SYN3: variants seen among roughly 807,000 people sequenced by gnomAD.
SYN3 encodes the protein synapsin-3.
SYN3 carries 35 observed loss-of-function variants against 65.8 expected under a neutral mutation model. That is an observed-to-expected ratio of 0.53 (90% confidence interval 0.41 to 0.70). The LOEUF (loss-of-function observed/expected upper bound fraction) is 0.70, where lower values mean the gene tolerates loss of function less well. Among genes scored for constraint, SYN3 ranks in the 30% least tolerant of loss-of-function variants. The pLI is 0.00. For synonymous variants in SYN3, 270 were observed against 292.9 expected (o/e 0.92, Z 0.80); for missense variants, 680 against 749.0 (o/e 0.91, Z 1.08).
intron 6 of SYN3, among the ~76,000 whole-genome samples, chr22:32,707,689 CT>C (rs933160857): frequency 1.3e-5 from 2 of 152,110 alleles, no homozygotes; most frequent in African/African-American, 2.4e-5. Flanking sequence ...GATTTTTTCC[CT>C]TTTCCTATCT....
chr22:33,006,351 C>T lies in SYN3; in HGVS notation c.311+1G>A. The T allele has an allele frequency of 6.3e-7, 1 of 1,593,706 alleles. No homozygotes were observed. Among genetic ancestry groups the T allele is most frequent in the Non-Finnish European group, 8.6e-7 (1 of 1,167,380 alleles). The stretch of plus-strand genomic sequence containing the variant: ...GGTAGCACTTGCAAATTCCTACTTA[C>T]CAGTCTGTATGGGCATCATCGATCA... On this transcript the variant is annotated splice_donor_variant, in intron 2 of 13. Transcript: ENST00000358763. LOFTEE classifies it high-confidence loss of function.
intron 7 of SYN3, among the ~76,000 whole-genome samples, chr22:32,565,084 A>C (rs914513267): frequency 1.5e-3 from 103 of 67,638 alleles, no homozygotes; most frequent in Admixed American, 1.9e-3. Flanking sequence ...CTGACTGTAC[A>C]CAAACAGTGC....
At chr22:32,783,397 G>T (rs1245430170) in intron 6 of SYN3, among the ~76,000 whole-genome samples, 1 of 152,164 alleles carries the variant, frequency 6.6e-6, no homozygotes, top group East Asian at 1.9e-4. Flanking sequence ...GGAGCTTCTG[G>T]TTTTTCAGGA....
At chr22:32,823,672 G>A (rs1389603024) in intron 6 of SYN3, among the ~76,000 whole-genome samples, 1 of 152,178 alleles carries the variant, frequency 6.6e-6, no homozygotes, top group Non-Finnish European at 1.5e-5. Flanking sequence ...ACTGGCTGAG[G>A]CAGGAAGAAG....
At chr22:32,571,299 C>A (rs1480403341) in intron 7 of SYN3, among the ~76,000 whole-genome samples, 2 of 152,160 alleles carry the variant, frequency 1.3e-5, no homozygotes, top group Non-Finnish European at 1.5e-5. Context: ...GTGCCCAGAA[C>A]AACCAGTAGG....
intron 6 of SYN3, among the ~76,000 whole-genome samples, chr22:32,624,792 A>C (rs2059643080): frequency 6.6e-6 from 1 of 152,190 alleles, no homozygotes; most frequent in Non-Finnish European, 1.5e-5. Context: ...CATTCCTTGC[A>C]CAGTCACCGG....
chr22:32,740,696 T>G (rs2061393651), intron 6 of SYN3, among the ~76,000 whole-genome samples: 1 of 152,134 alleles, frequency 6.6e-6, no homozygotes, highest in South Asian at 2.1e-4. Context: ...ATGATCTGAT[T>G]GGGATGCTTT....
At chr22:32,985,927 C>A (rs887861141) in intron 2 of SYN3, among the ~76,000 whole-genome samples, 1 of 152,064 alleles carries the variant, frequency 6.6e-6, no homozygotes, top group African/African-American at 2.4e-5. Flanking sequence ...CCTTCCCTAG[C>A]TGGGCTGAGC....
chr22:32,728,577 C>T (rs966331135), intron 6 of SYN3, among the ~76,000 whole-genome samples: 6 of 152,302 alleles, frequency 3.9e-5, no homozygotes, highest in South Asian at 2.1e-4. Flanking sequence ...AATCAGACAC[C>T]GAAAGAGACT....
At chr22:32,783,262 G>T (rs2046116663) in intron 6 of SYN3, 1 of 152,206 alleles carries the variant, frequency 6.6e-6, no homozygotes, top group African/African-American at 2.4e-5. Context: ...TAACAGACCT[G>T]TGGCCTCAGT....
At chr22:32,733,833 T>A (rs140461781) in intron 6 of SYN3, among the ~76,000 whole-genome samples, 348 of 152,208 alleles carry the variant, frequency 2.3e-3, no homozygotes, top group African/African-American at 8.1e-3. Flanking sequence ...TAATGGGCAG[T>A]GGCCTTCATG....
intron 2 of SYN3, among the ~76,000 whole-genome samples, chr22:32,990,153 C>T (rs188510291): frequency 1.3e-4 from 20 of 152,290 alleles, no homozygotes; most frequent in Admixed American, 5.9e-4. Context: ...AAGGGGATCA[C>T]GGGGATATTG....
chr22:32,578,816 C>T (rs1051212202), intron 7 of SYN3, among the ~76,000 whole-genome samples: 8 of 152,142 alleles, frequency 5.3e-5, no homozygotes, highest in East Asian at 1.9e-4. Flanking sequence ...GATTGGCAAA[C>T]GTTTCCTGTA....
At chr22:32,930,645 C>T (rs1456207921) in intron 4 of SYN3, among the ~76,000 whole-genome samples, 3 of 152,132 alleles carry the variant, frequency 2.0e-5, no homozygotes, top group Non-Finnish European at 4.4e-5. Flanking sequence ...GTTACCTTTT[C>T]CTCAAAGCTT....
At chr22:33,015,682 A>G (rs1007304423) in intron 1 of SYN3, among the ~76,000 whole-genome samples, 1 of 152,200 alleles carries the variant, frequency 6.6e-6, no homozygotes, top group Admixed American at 6.5e-5. Flanking sequence ...CAATTTAGCT[A>G]TACTACCGAT....
At chr22:32,861,073 C>G (rs921905301) in intron 6 of SYN3, 3 of 151,826 alleles carry the variant, frequency 2.0e-5, no homozygotes, top group African/African-American at 7.3e-5. Context: ...CATGATTGCT[C>G]TCTGTCTCTT....
chr22:32,759,636 A>ACCCCCAGCACCCACCCC (rs1569202144), intron 6 of SYN3, among the ~76,000 whole-genome samples: 3 of 135,330 alleles, frequency 2.2e-5, no homozygotes, highest in Admixed American at 7.5e-5. Flanking sequence ...CATTCCTACC[A>ACCCCCAGCACCCACCCC]CCCCCAGCAC....
chr22:32,857,183 G>A (rs1165045022), intron 6 of SYN3: 1 of 1,208,834 alleles, frequency 8.3e-7, no homozygotes, highest in African/African-American at 1.5e-5. Context: ...CCCAGCAGTG[G>A]GATTAGGGAT....
intron 3 of SYN3, among the ~76,000 whole-genome samples, chr22:32,945,730 A>C (rs1424026454): frequency 6.6e-6 from 1 of 152,236 alleles, no homozygotes; most frequent in African/African-American, 2.4e-5. Context: ...ACAGCAAAAG[A>C]AACTACCACT....
Sources: allele counts gnomAD v4.1 joint callset (sites outside exome capture counted in the v4.1 genomes callset), GRCh38; gene constraint gnomAD v4.1.1; transcripts MANE v1.5; gene names NCBI Gene and HGNC (gene_info 2026-07-23, HGNC 2026-07-21).